The following ARSF variants were observed in gnomAD, a reference collection of about 807,000 sequenced individuals.
ARSF encodes arylsulfatase F.
ARSF carries 33 observed loss-of-function variants against 35.4 expected under a neutral mutation model. The observed-to-expected ratio is 0.93, with a 90% CI of 0.71 to 1.25. The LOEUF is 1.25. ARSF is among the 50% of genes most tolerant of loss of function. The pLI is 0.00. For missense variants in ARSF, 501 were observed against 480.2 expected (o/e 1.04, Z -0.40); for synonymous variants, 222 against 193.1 (o/e 1.15, Z -1.24).
chrX:3,081,832 T>C (rs1220637483), intron 5 of ARSF, among the ~76,000 whole-genome samples: 1 of 111,876 alleles, frequency 8.9e-6, no homozygotes, highest in African/African-American at 3.2e-5. Flanking sequence ...AGCCACCCAG[T>C]AGTTGGAACT....
chrX:3,092,142 C>T (rs181150159), intron 7 of ARSF, among the ~76,000 whole-genome samples: 15 of 106,778 alleles, frequency 1.4e-4, no homozygotes, highest in East Asian at 6.0e-4. Flanking sequence ...TTGACAGATA[C>T]GTAGATGATA....
chrX:3,104,409 T>A (rs1226553611), intron 9 of ARSF, among the ~76,000 whole-genome samples: 1 of 112,128 alleles, frequency 8.9e-6, no homozygotes, highest in African/African-American at 3.2e-5. Context: ...TCCTTCTTTT[T>A]TAGGGATGAA....
chrX:3,079,741 G>A (rs1384038257), intron 4 of ARSF, among the ~76,000 whole-genome samples: 2 of 108,033 alleles, frequency 1.9e-5, no homozygotes, highest in African/African-American at 6.7e-5. Flanking sequence ...GGGCAGATCA[G>A]TTGAGGCCAG....
At position 3,089,491 on chromosome X, in the gene ARSF, C is replaced by T; in HGVS notation, c.831-5C>T. ...TCACAAGTAGTTTCATTGATGTCTT[C>T]TCAGGCACAGTAAGGAAACTTTCCT... On this transcript the variant is annotated splice_region_variant and splice_polypyrimidine_tract_variant and intron_variant, in intron 6 of 10. Transcript: ENST00000381127. The T allele has an allele frequency of 8.3e-7, 1 of 1,210,772 alleles. No individual in the cohort carries two copies. The highest frequency in any genetic ancestry group is 1.1e-6 in the Non-Finnish European group (1 of 894,817).
intron 8 of ARSF, 59 bp downstream of exon 8, chrX:3,101,280 A>G (rs1361268198): frequency 8.7e-7 from 1 of 1,144,735 alleles, no homozygotes; most frequent in Non-Finnish European, 1.2e-6. Flanking sequence ...TGTGGTTCTT[A>G]TAATTAAAGC....
chrX:3,055,296 C>T (rs1033611000), intron 1 of ARSF, among the ~76,000 whole-genome samples: 3 of 98,212 alleles, frequency 3.1e-5, no homozygotes, highest in Non-Finnish European at 6.1e-5. Flanking sequence ...GAGCCCAGAT[C>T]GCGCCACTGC....
At chrX:3,083,192 C>A (rs977611276) in intron 5 of ARSF, among the ~76,000 whole-genome samples, 1 of 110,964 alleles carries the variant, frequency 9.0e-6, no homozygotes, top group Non-Finnish European at 1.9e-5. Context: ...TACATACATG[C>A]CCCATCTATC....
At chrX:3,106,493 T>C (rs1023166811) in intron 9 of ARSF, among the ~76,000 whole-genome samples, 6 of 111,891 alleles carry the variant, frequency 5.4e-5, no homozygotes, top group Non-Finnish European at 1.1e-4. Context: ...ACCAGCATCA[T>C]GAGGGCCTGT....
intron 1 of ARSF, among the ~76,000 whole-genome samples, chrX:3,060,341 C>T: frequency 8.9e-6 from 1 of 112,058 alleles, no homozygotes; most frequent in Non-Finnish European, 1.9e-5. Context: ...GTAGGTAAAA[C>T]CACAAAGATG....
intron 7 of ARSF, among the ~76,000 whole-genome samples, chrX:3,092,903 T>G (rs1341720607): frequency 8.9e-6 from 1 of 112,300 alleles, no homozygotes. Flanking sequence ...CCGGGCGCGG[T>G]GGCTCACGCC....
At chrX:3,093,747 G>A (rs1475633782) in intron 7 of ARSF, among the ~76,000 whole-genome samples, 1 of 111,663 alleles carries the variant, frequency 9.0e-6, no homozygotes, top group African/African-American at 3.3e-5. Context: ...CCTTTGGGTA[G>A]ACACCCAGTA....
intron 1 of ARSF, chrX:3,058,744 C>T (rs926608158): frequency 1.8e-5 from 4 of 223,762 alleles, no homozygotes; most frequent in Admixed American, 1.5e-4. Flanking sequence ...GCCTGTAGTT[C>T]CAGCCACTCC....
intron 9 of ARSF, among the ~76,000 whole-genome samples, 174 bp downstream of exon 9, chrX:3,104,098 CT>C (rs2090397710): frequency 9.0e-6 from 1 of 111,624 alleles, no homozygotes; most frequent in Non-Finnish European, 1.9e-5. Context: ...AGAGACCAGT[CT>C]TTTCTTTTTT....
At chrX:3,073,905 A>G (rs2090128075) in intron 3 of ARSF, among the ~76,000 whole-genome samples, 1 of 109,206 alleles carries the variant, frequency 9.2e-6, no homozygotes, top group South Asian at 3.8e-4. Context: ...AGAAAAACAG[A>G]TATGAAACAA....
intron 5 of ARSF, among the ~76,000 whole-genome samples, 156 bp from the exon 6 acceptor site, chrX:3,084,087 G>T (rs758927202): frequency 1.1e-4 from 12 of 111,990 alleles, no homozygotes; most frequent in Admixed American, 3.8e-4. Flanking sequence ...TGGCTAAGTG[G>T]CACTCGGATT....
At chrX:3,044,321 G>A (rs754784569) in intron 1 of ARSF, among the ~76,000 whole-genome samples, 1 of 112,140 alleles carries the variant, frequency 8.9e-6, no homozygotes, top group Non-Finnish European at 1.9e-5. Context: ...AGATGGGACT[G>A]TTCCCCTGAC....
At chrX:3,101,669 A>G (rs1475450692) in intron 8 of ARSF, among the ~76,000 whole-genome samples, 1 of 111,547 alleles carries the variant, frequency 9.0e-6, no homozygotes, top group African/African-American at 3.3e-5. Context: ...TACAGCATAG[A>G]AAGTAGACAA....
intron 1 of ARSF, among the ~76,000 whole-genome samples, chrX:3,061,336 C>T (rs1472466114): frequency 2.7e-4 from 30 of 111,417 alleles, no homozygotes; most frequent in African/African-American, 9.8e-4. Context: ...CAGTACCAGC[C>T]ACTGCAAAAA....
At chrX:3,065,113 T>G (rs896574034) in intron 1 of ARSF, among the ~76,000 whole-genome samples, 5 of 111,255 alleles carry the variant, frequency 4.5e-5, no homozygotes, top group Non-Finnish European at 9.4e-5. Flanking sequence ...CCATAAAAAA[T>G]GATAAGTTAA....
Sources: allele counts gnomAD v4.1 joint callset (sites outside exome capture counted in the v4.1 genomes callset), GRCh38; gene constraint gnomAD v4.1.1; transcripts MANE v1.5; gene names NCBI Gene and HGNC (gene_info 2026-07-23, HGNC 2026-07-21).